Variants in BMP6 observed in about 807,000 individuals in gnomAD.
The protein encoded by BMP6 is VG-1-R.
A neutral mutation model predicts 54.1 loss-of-function variants in BMP6; 17 were observed. That is an observed-to-expected ratio of 0.31 (90% CI 0.22 to 0.47). BMP6 has a LOEUF of 0.47. Ranked by LOEUF, BMP6 falls within the 20% of genes least tolerant of loss-of-function variation. The pLI, the probability that BMP6 is intolerant of heterozygous loss-of-function variation, is 1.00. For missense variants in BMP6, 720 were observed against 690.4 expected (o/e 1.04, Z -0.48); for synonymous variants, 328 against 291.2 (o/e 1.13, Z -1.28).
At chr6:7,808,482 C>A (rs990971150) in intron 1 of BMP6, among the ~76,000 whole-genome samples, 13 of 152,116 alleles carry the variant, frequency 8.5e-5, no homozygotes, top group Non-Finnish European at 1.3e-4. Context: ...CTTAAGACTG[C>A]CAGTTCTGAA....
In BMP6 at chr6:7,881,463, ATTTATTGTCTAT is replaced by A. The variant is rs1203428639; in HGVS notation, c.*1126_*1137del. The A allele has an allele frequency of 6.6e-6, 1 of 152,620 alleles. No homozygotes were observed. The highest frequency in any genetic ancestry group is 1.5e-5 in the Non-Finnish European group (1 of 68,038). The allele number at this position is 152,620 out of a possible 1,614,324, so 9.5% of individuals were successfully genotyped here. On this transcript the variant is annotated 3_prime_UTR_variant, in exon 7 of 7. Transcript: ENST00000283147. ...GCTTTTTTTGTAAATATAAACTATA[ATTTATTGTCTAT>A]TTTATATCTGTTTTGCTGTAACATT... is the stretch of plus-strand genomic sequence containing the variant.
intron 4 of BMP6, among the ~76,000 whole-genome samples, chr6:7,872,003 C>T (rs1262492014): frequency 1.8e-4 from 14 of 75,790 alleles, no homozygotes; most frequent in Admixed American, 3.7e-4. Context: ...GTCCTGGCGG[C>T]GGGGGTGGTG....
At chr6:7,784,470 T>A (rs1757994233) in intron 1 of BMP6, among the ~76,000 whole-genome samples, 1 of 152,160 alleles carries the variant, frequency 6.6e-6, no homozygotes, top group African/African-American at 2.4e-5. Context: ...TGTGTTCGGA[T>A]CACGTGATAG....
chr6:7,813,108 AATATATATATATATATAT>A (rs1182296124), intron 1 of BMP6, among the ~76,000 whole-genome samples: 30 of 21,480 alleles, frequency 1.4e-3, no homozygotes, highest in South Asian at 5.5e-3. Flanking sequence ...AAAAAAAAAA[AATATATATATATATATAT>A]ATATATATAT....
Position 7,861,462 on chromosome 6 carries a change from T to G in BMP6, c.869T>G (p.Leu290Arg). 1 of 1,614,088 alleles carries G rather than the reference T, an allele frequency of 6.2e-7. No homozygotes were observed. The highest frequency in any genetic ancestry group is 8.5e-7 in the Non-Finnish European group (1 of 1,179,998). Reference sequence around the variant, plus strand: ...TTTCTTTCTTTCAGAGACTCTGACCTGTTTTTGTTGGACACCCGTGTAGTA... The same window carrying G: ...TTTCTTTCTTTCAGAGACTCTGACCGGTTTTTGTTGGACACCCGTGTAGTA... ...LQEHQHRDSD[L>R]FLLDTRVVWA... is the part of the protein sequence containing the mutation. The change falls in exon 3 of 7, where the codon CTG (leucine) becomes CGG (arginine). Residue 290 changes from leucine to arginine, a missense_variant. Coordinates refer to ENST00000283147, the MANE Select transcript of BMP6 (RefSeq NM_001718.6).
At chr6:7,799,344 C>T (rs751432505) in intron 1 of BMP6, among the ~76,000 whole-genome samples, 15 of 152,140 alleles carry the variant, frequency 9.9e-5, no homozygotes, top group Non-Finnish European at 1.8e-4. Context: ...GGTGCGAAAT[C>T]AGTAATTCTG....
At chr6:7,731,092 T>C (rs1299695360) in intron 1 of BMP6, among the ~76,000 whole-genome samples, 3 of 152,220 alleles carry the variant, frequency 2.0e-5, no homozygotes, top group Non-Finnish European at 4.4e-5. Context: ...TTATGTTGAC[T>C]GTTTCAAACT....
intron 1 of BMP6, among the ~76,000 whole-genome samples, chr6:7,813,148 TA>T (rs1554122665): frequency 1.1e-5 from 1 of 94,278 alleles, no homozygotes; most frequent in African/African-American, 4.2e-5. Flanking sequence ...TATATATATA[TA>T]AAATTAGTGG....
chr6:7,753,646 G>C (rs1757459587), intron 1 of BMP6, among the ~76,000 whole-genome samples: 1 of 152,206 alleles, frequency 6.6e-6, no homozygotes, highest in African/African-American at 2.4e-5. Context: ...ATGGCAGTGA[G>C]ACTTTGCCTA....
At chr6:7,743,035 C>T (rs1405822864) in intron 1 of BMP6, among the ~76,000 whole-genome samples, 1 of 152,146 alleles carries the variant, frequency 6.6e-6, no homozygotes, top group Non-Finnish European at 1.5e-5. Context: ...GATGGCTTGA[C>T]ATAGACCACA....
intron 4 of BMP6, among the ~76,000 whole-genome samples, chr6:7,878,534 A>G (rs1452118462): frequency 6.6e-6 from 1 of 152,066 alleles, no homozygotes; most frequent in Admixed American, 6.5e-5. Context: ...AGCCAGAGAG[A>G]GCATTGCCCC....
chr6:7,840,916 C>A (rs762598704), intron 1 of BMP6, among the ~76,000 whole-genome samples: 1 of 152,074 alleles, frequency 6.6e-6, no homozygotes, highest in African/African-American at 2.4e-5. Flanking sequence ...ATGCCTCACT[C>A]GAATTGAAAA....
chr6:7,801,047 T>G (rs1225392665), intron 1 of BMP6, among the ~76,000 whole-genome samples: 1 of 152,140 alleles, frequency 6.6e-6, no homozygotes, highest in East Asian at 1.9e-4. Context: ...GCCACTTAAT[T>G]TGGAGGAAGA....
chr6:7,769,519 T>A (rs1411222824), intron 1 of BMP6, among the ~76,000 whole-genome samples: 1 of 152,216 alleles, frequency 6.6e-6, no homozygotes, highest in East Asian at 1.9e-4. Context: ...ACGCCCTTGT[T>A]AAGACCTCTG....
intron 1 of BMP6, among the ~76,000 whole-genome samples, chr6:7,759,384 G>A (rs1489220140): frequency 6.6e-6 from 1 of 152,134 alleles, no homozygotes; most frequent in Non-Finnish European, 1.5e-5. Flanking sequence ...TTAGAACTCA[G>A]CTTTTTTCCC....
intron 1 of BMP6, among the ~76,000 whole-genome samples, chr6:7,820,991 C>T (rs954416366): frequency 5.9e-5 from 9 of 152,232 alleles, no homozygotes; most frequent in South Asian, 2.1e-4. Context: ...AAATGCTCAT[C>T]GCCAGCCATG....
rs1481340621 is a variant in BMP6 at position 7,881,447 on chromosome 6, GTAAATA to G, written c.*1109_*1114del. Reference sequence around the variant, plus strand: ...ACTGTTTGCACTTACAGCTTTTTTTGTAAATATAAACTATAATTTATTGTCTATTTT... The same window carrying G: ...ACTGTTTGCACTTACAGCTTTTTTTGTAAACTATAATTTATTGTCTATTTT... On this transcript the variant is annotated 3_prime_UTR_variant, in exon 7 of 7. Transcript: ENST00000283147. 6.6e-6 allele frequency: 1 copy of G among 152,174 alleles called. No homozygotes were observed. Among genetic ancestry groups the G allele is most frequent in the East Asian group, 1.9e-4 (1 of 5,186 alleles). The allele number at this position is 152,174 out of a possible 1,614,324, so 9.4% of individuals were successfully genotyped here.
At chr6:7,786,656 G>A (rs1758024720) in intron 1 of BMP6, among the ~76,000 whole-genome samples, 1 of 152,072 alleles carries the variant, frequency 6.6e-6, no homozygotes, top group Non-Finnish European at 1.5e-5. Flanking sequence ...GATCAGAACT[G>A]TAGATTCAAT....
chr6:7,812,065 A>G lies in BMP6; in HGVS notation c.665-33075A>G, dbSNP rs1348398571. 3.3e-5 allele frequency among the ~76,000 whole-genome samples: 5 copies of G among 152,300 alleles called. No homozygotes were observed. The South Asian group carries it at 8.3e-4, about 25-fold the overall frequency. On this transcript the variant is annotated intron_variant, in intron 1 of 6. Transcript: ENST00000283147. ...CCAAAGCGAGGAGACTGAGTTTCCA[A>G]ATTCAACATTTAGCTGTTTTGGGTT...
Sources: allele counts gnomAD v4.1 joint callset (sites outside exome capture counted in the v4.1 genomes callset), GRCh38; gene constraint gnomAD v4.1.1; transcripts MANE v1.5; gene names NCBI Gene and HGNC (gene_info 2026-07-23, HGNC 2026-07-21).